CIPC: variants seen among roughly 807,000 people sequenced by gnomAD.
CIPC encodes the protein CLOCK-interacting pacemaker.
CIPC carries 12 observed loss-of-function variants against 26.7 expected under a neutral mutation model. The observed-to-expected ratio is 0.45, with a 90% CI of 0.29 to 0.73. The LOEUF (loss-of-function observed/expected upper bound fraction) is 0.73, where lower values mean the gene tolerates loss of function less well. Among genes scored for constraint, CIPC ranks in the 30% least tolerant of loss-of-function variants. The pLI is 0.12. For synonymous variants in CIPC, 170 were observed against 189.8 expected (o/e 0.90, Z 0.86); for missense variants, 417 against 486.5 (o/e 0.86, Z 1.34).
intron 1 of CIPC, among the ~76,000 whole-genome samples, chr14:77,099,425 G>GGTT (rs1057065601): frequency 7.9e-5 from 12 of 152,272 alleles, no homozygotes; most frequent in African/African-American, 2.4e-4. Context: ...AGGTAGACAG[G>GGTT]GTTTTTCCAC....
intron 2 of CIPC, among the ~76,000 whole-genome samples, chr14:77,107,428 G>T (rs1482233766): frequency 6.6e-6 from 1 of 152,160 alleles, no homozygotes; most frequent in South Asian, 2.1e-4. Context: ...CCACTCTTGG[G>T]CCAGGTGCCA....
rs1428688997 is a variant in CIPC, at chr14:77,115,491, T to C, written c.*1173T>C. 6.6e-6 allele frequency: 1 copy of C among 152,250 alleles called. No individual in the cohort carries two copies. Among genetic ancestry groups the C allele is most frequent in the East Asian group, 1.9e-4 (1 of 5,208 alleles). 9.4% of individuals were successfully genotyped at this position (152,250 alleles called of 1,614,324 possible). On this transcript the variant is annotated 3_prime_UTR_variant, in exon 4 of 4. Transcript: ENST00000361786. Reference sequence around the variant, plus strand: ...AGCCAGAGGTGTAATGTTGGTTATATGAAGTTCATCTCAAAATGGAGACCA... The same window carrying C: ...AGCCAGAGGTGTAATGTTGGTTATACGAAGTTCATCTCAAAATGGAGACCA...
intron 1 of CIPC, among the ~76,000 whole-genome samples, chr14:77,104,060 C>T (rs773764659): frequency 2.6e-5 from 4 of 152,216 alleles, no homozygotes; most frequent in Non-Finnish European, 4.4e-5. Context: ...AGCCTCAGTT[C>T]AGCATCCAGA....
chr14:77,106,623 G>C (rs1292797118), intron 2 of CIPC, among the ~76,000 whole-genome samples: 2 of 152,008 alleles, frequency 1.3e-5, no homozygotes, highest in African/African-American at 2.4e-5. Context: ...CCTGAGAGTA[G>C]AACCCTCTCA....
At chr14:77,111,939 G>T (rs1333393751) in intron 3 of CIPC, among the ~76,000 whole-genome samples, 1 of 152,176 alleles carries the variant, frequency 6.6e-6, no homozygotes, top group African/African-American at 2.4e-5. Context: ...GATCTCCTAT[G>T]ACAAGGAAAT....
chr14:77,117,105 C>T lies in CIPC; in HGVS notation c.*2787C>T, dbSNP rs1375456685. 1 of 152,480 alleles carries T rather than the reference C, an allele frequency of 6.6e-6. No individual in the cohort carries two copies. Among genetic ancestry groups the T allele is most frequent in the Non-Finnish European group, 1.5e-5 (1 of 67,986 alleles). 9.4% of individuals were successfully genotyped at this position (152,480 alleles called of 1,614,324 possible). On this transcript the variant is annotated 3_prime_UTR_variant, in exon 4 of 4. Coordinates refer to ENST00000361786, the MANE Select transcript of CIPC (RefSeq NM_033426.3). The stretch of plus-strand genomic sequence containing the variant: ...ATAGTATTGTCTGACTTTTTATTTT[C>T]TACTATGGTTCCTTTAGCAGAAAAG...
rs746070575 is a variant in CIPC, at chr14:77,113,730, G to A, written c.612G>A (p.Lys204=). 3 of 1,612,554 alleles carry A rather than the reference G, an allele frequency of 1.9e-6. No individual in the cohort carries two copies. In the South Asian group the frequency reaches 3.3e-5, roughly 18 times the overall value. The change falls in exon 4 of 4, where the codon AAG becomes AAA. Residue 204 remains lysine, a synonymous_variant. Transcript: ENST00000361786. ...GCTTGTCTTCCAGTGAGCCAACCAA[G>A]GCTGGTGCTGTCCCATCCAGTCCCT... is the stretch of plus-strand genomic sequence containing the variant. ...GPSLSSSEPT[K]AGAVPSSPST...
chr14:77,112,090 T>C (rs1886714414), intron 3 of CIPC, among the ~76,000 whole-genome samples: 1 of 152,126 alleles, frequency 6.6e-6, no homozygotes, highest in Admixed American at 6.5e-5. Flanking sequence ...GAAACTGAAA[T>C]GTGTGCAAAA....
chr14:77,104,554 T>C lies in CIPC; in HGVS notation c.-52-1103T>C, dbSNP rs1010956179. ...ACCAGTCTGGCATCAGTGCATGGCA[T>C]TGTACCCTTCTACACTGTGCTCTGG... On this transcript the variant is annotated intron_variant, in intron 1 of 3. Coordinates refer to ENST00000361786, the MANE Select transcript of CIPC (RefSeq NM_033426.3). Among the ~76,000 whole-genome samples, 4 of 152,324 alleles carry C rather than the reference T, an allele frequency of 2.6e-5. No homozygotes were observed. In the South Asian group the frequency reaches 6.2e-4, roughly 24 times the overall value.
At chr14:77,111,534 G>A (rs1333134530) in intron 3 of CIPC, among the ~76,000 whole-genome samples, 1 of 152,178 alleles carries the variant, frequency 6.6e-6, no homozygotes, top group Non-Finnish European at 1.5e-5. Context: ...TTGAGAGTCT[G>A]ATTCCACCTC....
rs565424156 is a variant in CIPC, at chr14:77,107,484, A to G, written c.136+1640A>G. 1.1e-3 allele frequency among the ~76,000 whole-genome samples: 171 copies of G among 152,306 alleles called. 1 individual carries two copies. Among genetic ancestry groups the G allele is most frequent in the African/African-American group, 3.9e-3 (163 of 41,572 alleles). On this transcript the variant is annotated intron_variant, in intron 2 of 3. Transcript: ENST00000361786. Reference sequence around the variant, plus strand: ...GTTATTCCAGTTACCTTGGAGTAGGATGAAATTTGCAAAATCAAGACAATT... The same window carrying G: ...GTTATTCCAGTTACCTTGGAGTAGGGTGAAATTTGCAAAATCAAGACAATT...
intron 2 of CIPC, among the ~76,000 whole-genome samples, chr14:77,108,863 T>C (rs1392579392): frequency 6.6e-6 from 1 of 152,246 alleles, no homozygotes; most frequent in African/African-American, 2.4e-5. Flanking sequence ...TCATTTCTGA[T>C]ACTCAAATTG....
chr14:77,112,705 T>TG (rs1440676736), intron 3 of CIPC, among the ~76,000 whole-genome samples: 5 of 151,874 alleles, frequency 3.3e-5, no homozygotes, highest in African/African-American at 1.2e-4. Context: ...CTTTCTGTTT[T>TG]TTTTTGTTGT....
At chr14:77,110,128 G>T in intron 3 of CIPC, 147 bp downstream of exon 3, 1 of 701,186 alleles carries the variant, frequency 1.4e-6, no homozygotes, top group South Asian at 2.3e-5. Flanking sequence ...TCTGTCCTGG[G>T]GAGCGGATGT....
intron 1 of CIPC, chr14:77,100,049 C>T (rs577301762): frequency 6.6e-6 from 1 of 152,152 alleles, no homozygotes; most frequent in African/African-American, 2.4e-5. Context: ...TTGAATGCCT[C>T]ATGTTAATTG....
intron 2 of CIPC, among the ~76,000 whole-genome samples, chr14:77,108,205 G>C (rs1886628260): frequency 1.3e-5 from 2 of 152,084 alleles, no homozygotes; most frequent in Non-Finnish European, 2.9e-5. Flanking sequence ...TGCTCTGGTT[G>C]GTTGATCACT....
chr14:77,110,401 C>T (rs546799115), intron 3 of CIPC, among the ~76,000 whole-genome samples: 1 of 152,202 alleles, frequency 6.6e-6, no homozygotes, highest in Non-Finnish European at 1.5e-5. Context: ...GCATTTATCT[C>T]AGAAGTAGAG....
chr14:77,111,032 C>G (rs1886688654), intron 3 of CIPC, among the ~76,000 whole-genome samples: 1 of 152,204 alleles, frequency 6.6e-6, no homozygotes, highest in Non-Finnish European at 1.5e-5. Flanking sequence ...AAGCATGGCT[C>G]TCCTTATTGA....
rs2140037979 is a variant in CIPC at position 77,115,890 on chromosome 14, T to G, written c.*1572T>G. 6.6e-6 allele frequency: 1 copy of G among 152,326 alleles called. No individual in the cohort carries two copies. Among genetic ancestry groups the G allele is most frequent in the South Asian group, 2.1e-4 (1 of 4,830 alleles). 9.4% of individuals were successfully genotyped at this position (152,326 alleles called of 1,614,324 possible). On this transcript the variant is annotated 3_prime_UTR_variant, in exon 4 of 4. Coordinates refer to ENST00000361786, the MANE Select transcript of CIPC (RefSeq NM_033426.3). Reference sequence around the variant, plus strand: ...TAGTAGAAATGGGGTTTTACCGTGTTGGCCAGGCTGGTCTCGAACTCCTGA... The same window carrying G: ...TAGTAGAAATGGGGTTTTACCGTGTGGGCCAGGCTGGTCTCGAACTCCTGA...
Sources: allele counts gnomAD v4.1 joint callset (sites outside exome capture counted in the v4.1 genomes callset), GRCh38; gene constraint gnomAD v4.1.1; transcripts MANE v1.5; gene names NCBI Gene and HGNC (gene_info 2026-07-23, HGNC 2026-07-21).